Variants in OSBPL3 observed in about 807,000 individuals in gnomAD.
The protein encoded by OSBPL3 is oxysterol binding protein like 3.
A neutral mutation model predicts 120.1 loss-of-function variants in OSBPL3; 65 were observed. That is an observed-to-expected ratio of 0.54 (90% CI 0.44 to 0.67). The LOEUF is 0.67. Ranked by LOEUF, OSBPL3 falls within the 30% of genes least tolerant of loss-of-function variation. OSBPL3 has a pLI of 0.00. For synonymous variants in OSBPL3, 416 were observed against 402.6 expected, an observed-to-expected ratio of 1.03 and a Z score of -0.40; for missense variants, 1,004 against 1,082.1, an observed-to-expected ratio of 0.93 and a Z score of 1.01.
intron 2 of OSBPL3, among the ~76,000 whole-genome samples, chr7:24,887,113 ATAAT>A (rs1343719780): frequency 6.6e-6 from 1 of 152,268 alleles, no homozygotes; most frequent in Non-Finnish European, 1.5e-5. Context: ...AGGAAATGAC[ATAAT>A]TCAAAAGGGC....
rs916542450 is a variant in OSBPL3 at position 24,804,714 on chromosome 7, T to G, written c.2445-277A>C. Among the ~76,000 whole-genome samples the G allele has an allele frequency of 1.3e-5, 2 of 152,146 alleles. No homozygotes were observed. Among genetic ancestry groups the G allele is most frequent in the Non-Finnish European group, 2.9e-5 (2 of 68,014 alleles). On this transcript the variant is annotated intron_variant, in intron 21 of 22. Transcript: ENST00000313367. The surrounding 1 kb of genome is among the most constrained non-coding windows in gnomAD (Gnocchi z 5.4). ...TCTCTAATTCCAGCCACCTTCACCCTCCCACCCTAGAAAACCCACTTTATT... is the reference window on the plus strand; with the variant it reads ...TCTCTAATTCCAGCCACCTTCACCCGCCCACCCTAGAAAACCCACTTTATT...
chr7:24,880,485 C>T (rs1262088307), intron 2 of OSBPL3, among the ~76,000 whole-genome samples: 1 of 152,198 alleles, frequency 6.6e-6, no homozygotes, highest in African/African-American at 2.4e-5. Flanking sequence ...GCCCTCCATA[C>T]ACTTGTGGCT....
In OSBPL3 at chr7:24,800,171, T is replaced by C; in HGVS notation, c.*12A>G. ...GAGAAATACACTAATGTTATCTTTC[T>C]TCTTTACTTTTTCACCATAAGACAG... On this transcript the variant is annotated 3_prime_UTR_variant, in exon 23 of 23. Transcript: ENST00000313367. 1 of 1,481,520 alleles carries C rather than the reference T, an allele frequency of 6.7e-7. No individual in the cohort carries two copies. The highest frequency in any genetic ancestry group is 9.4e-7 in the Non-Finnish European group (1 of 1,059,468). 91.8% of individuals were successfully genotyped at this position (1,481,520 alleles called of 1,614,324 possible).
At chr7:24,838,929 C>T (rs980580384) in intron 14 of OSBPL3, among the ~76,000 whole-genome samples, 1 of 152,196 alleles carries the variant, frequency 6.6e-6, no homozygotes, top group Non-Finnish European at 1.5e-5. Context: ...GGGTTCATCT[C>T]CCAAGAAACA....
At chr7:24,971,973 A>G (rs1817075783) in intron 1 of OSBPL3, among the ~76,000 whole-genome samples, 2 of 152,180 alleles carry the variant, frequency 1.3e-5, no homozygotes, top group African/African-American at 4.8e-5. Context: ...GAAAAACCCA[A>G]GTGGGCTTCC....
In OSBPL3 at chr7:24,912,464, A is replaced by G. The variant is rs1253475145; in HGVS notation, c.-149-19843T>C. Among the ~76,000 whole-genome samples the G allele has an allele frequency of 1.3e-5, 2 of 152,198 alleles. No homozygotes were observed. Among genetic ancestry groups the G allele is most frequent in the Non-Finnish European group, 2.9e-5 (2 of 68,038 alleles). Reference sequence around the variant, plus strand: ...TCCATTGATTTAGGGAGTTTAGCACATTAAGGGCATTCTAATAAACCATTC... The same window carrying G: ...TCCATTGATTTAGGGAGTTTAGCACGTTAAGGGCATTCTAATAAACCATTC... On this transcript the variant is annotated intron_variant, in intron 1 of 22. Coordinates refer to ENST00000313367, the MANE Select transcript of OSBPL3 (RefSeq NM_015550.4). This position sits in a 1 kb window ranked among gnomAD's most constrained non-coding sequence, Gnocchi z 4.5.
At chr7:24,868,364 TGTGTG>T (rs1171768356) in intron 5 of OSBPL3, among the ~76,000 whole-genome samples, 4 of 143,168 alleles carry the variant, frequency 2.8e-5, no homozygotes, top group Non-Finnish European at 4.5e-5. Flanking sequence ...TGTGTGTGTG[TGTGTG>T]TCTGTGTGTG....
In OSBPL3 at chr7:24,916,905, G is replaced by A. The variant is rs1404961987; in HGVS notation, c.-149-24284C>T. On this transcript the variant is annotated intron_variant, in intron 1 of 22. Transcript: ENST00000313367. This position sits in a 1 kb window ranked among gnomAD's most constrained non-coding sequence, Gnocchi z 4.9. ...CAGGTTTACTGGCAGCCACTAAGAC[G>A]TCTTCCATTTCCACCCCCCCCAACC... Among the ~76,000 whole-genome samples, 2 of 132,318 alleles carry A rather than the reference G, an allele frequency of 1.5e-5. No individual in the cohort carries two copies. Among genetic ancestry groups the A allele is most frequent in the African/African-American group, 3.1e-5 (1 of 32,260 alleles). The allele number at this position is 132,318 out of a possible 152,430, so 86.8% of individuals were successfully genotyped here.
rs1796182886 is a variant in OSBPL3, at chr7:24,830,078, T to G, written c.1884+690A>C. Among the ~76,000 whole-genome samples the G allele has an allele frequency of 6.6e-6, 1 of 152,178 alleles. No individual in the cohort carries two copies. Among genetic ancestry groups the G allele is most frequent in the South Asian group, 2.1e-4 (1 of 4,820 alleles). On this transcript the variant is annotated intron_variant, in intron 16 of 22. Transcript: ENST00000313367. The surrounding 1 kb of genome is among the most constrained non-coding windows in gnomAD (Gnocchi z 4.4). ...AACTTGCCTTGGGTTATCATGCTAG[T>G]AAGAGGTAGAACTGAGGTAGGACGG...
rs146408599 is a variant in OSBPL3, at chr7:24,941,786, T to C, written c.-150+38100A>G. Among the ~76,000 whole-genome samples, 773 of 152,344 alleles carry C rather than the reference T, an allele frequency of 5.1e-3. 3 individuals are homozygous for C. The highest frequency in any genetic ancestry group is 8.8e-3 in the Non-Finnish European group (596 of 68,026). On this transcript the variant is annotated intron_variant, in intron 1 of 22. Coordinates refer to ENST00000313367, the MANE Select transcript of OSBPL3 (RefSeq NM_015550.4). ...ATACATCATTGCATGGAATTCTAAA[T>C]GCAAAACTTGTGAACAAATGATGTA...
chr7:24,814,368 C>T (rs1794211679), intron 19 of OSBPL3, among the ~76,000 whole-genome samples: 1 of 151,798 alleles, frequency 6.6e-6, no homozygotes, highest in African/African-American at 2.4e-5. Flanking sequence ...GTGCAGCGCC[C>T]GACAGGCCAC....
intron 12 of OSBPL3, among the ~76,000 whole-genome samples, chr7:24,845,461 A>ATG (rs138960641): frequency 0.11 from 15,661 of 136,910 alleles, 1,090 homozygotes; most frequent in South Asian, 0.29. Flanking sequence ...GTGTGTGTGT[A>ATG]TGTGTGTGTG....
intron 13 of OSBPL3, among the ~76,000 whole-genome samples, chr7:24,841,694 C>CAAGAAA (rs1554358462): frequency 9.1e-4 from 11 of 12,136 alleles, no homozygotes; most frequent in Non-Finnish European, 1.7e-3. Flanking sequence ...GACTATGTCT[C>CAAGAAA]AAAAAAAAAA....
In OSBPL3 at chr7:24,870,765, G is replaced by C; in HGVS notation, c.348C>G (p.Asp116Glu). Residue 116 changes from aspartate (D) to glutamate (E), a missense_variant, in exon 5 of 23, where the codon GAC becomes GAG. Transcript: ENST00000313367. The part of the protein sequence containing the change: ...MSVKKSSKCI[D>E]LDTEEHIYHL... ...GGTAGATGTGCTCCTCGGTGTCAAG[G>C]TCTATGCATTTTGATGACTTCTTTA... The C allele has an allele frequency of 1.2e-6, 2 of 1,612,282 alleles. No individual in the cohort carries two copies. Among genetic ancestry groups the C allele is most frequent in the East Asian group, 4.5e-5 (2 of 44,880 alleles).
Position 24,955,372 on chromosome 7 carries a change from T to C in OSBPL3, c.-150+24514A>G, listed in dbSNP as rs1159469133. Among the ~76,000 whole-genome samples the C allele has an allele frequency of 6.6e-6, 1 of 152,214 alleles. No individual in the cohort carries two copies. The highest frequency in any genetic ancestry group is 1.5e-5 in the Non-Finnish European group (1 of 68,024). On this transcript the variant is annotated intron_variant, in intron 1 of 22. Transcript: ENST00000313367. The surrounding 1 kb of genome is among the most constrained non-coding windows in gnomAD (Gnocchi z 4.3). ...ACAAAAATATACTGAGCACTTACAA[T>C]GCGCTGGGAATTTTTCCAGTGCTGG...
At chr7:24,980,219 G>C (rs1818144603), upstream of OSBPL3, 1 of 222,216 alleles carries the variant, frequency 4.5e-6, no homozygotes. Context: ...AGCCGCGCAA[G>C]GGCGGGAGCG....
rs1800742020 is a variant in OSBPL3, at chr7:24,862,709, T to C, written c.870+491A>G. On this transcript the variant is annotated intron_variant, in intron 9 of 22. Transcript: ENST00000313367. This position sits in a 1 kb window ranked among gnomAD's most constrained non-coding sequence, Gnocchi z 4.4. The stretch of plus-strand genomic sequence containing the variant: ...GCTCCTAGCATGACACAGTGAATCC[T>C]GGATGAGGGATTGGGAGTTTGGAGA... Among the ~76,000 whole-genome samples, 1 of 152,148 alleles carries C rather than the reference T, an allele frequency of 6.6e-6. No individual in the cohort carries two copies. The highest frequency in any genetic ancestry group is 2.4e-5 in the African/African-American group (1 of 41,446).
rs371064285 is a variant in OSBPL3, at chr7:24,881,340, AAAG to A, written c.97-9274_97-9272del. On this transcript the variant is annotated intron_variant, in intron 2 of 22. Coordinates refer to ENST00000313367, the MANE Select transcript of OSBPL3 (RefSeq NM_015550.4). This position sits in a 1 kb window ranked among gnomAD's most constrained non-coding sequence, Gnocchi z 4.3. ...AAGATCTCAGAGAACTTTACAAATC[AAAG>A]AAGGAATGACTTTAGTGCCAAGTAT... 2.5e-3 allele frequency among the ~76,000 whole-genome samples: 377 copies of A among 152,320 alleles called. 2 individuals are homozygous for A. Among genetic ancestry groups the A allele is most frequent in the African/African-American group, 8.3e-3 (343 of 41,568 alleles).
chr7:24,813,003 C>A lies in OSBPL3; in HGVS notation c.2172+2056G>T, dbSNP rs570789564. ...AAGTGCTCCTTCTGCCTCAGCCTCT[C>A]CAGCAGCTGGGACTACAGGTGCATG... On this transcript the variant is annotated intron_variant, in intron 19 of 22. Coordinates refer to ENST00000313367, the MANE Select transcript of OSBPL3 (RefSeq NM_015550.4). This position sits in a 1 kb window ranked among gnomAD's most constrained non-coding sequence, Gnocchi z 4.5. Among the ~76,000 whole-genome samples, 40 of 152,302 alleles carry A rather than the reference C, an allele frequency of 2.6e-4. No individual in the cohort carries two copies. The highest frequency in any genetic ancestry group is 1.4e-3 in the Admixed American group (22 of 15,296).
Sources: gnomAD v4.1 joint callset for allele counts (sites outside exome capture counted in the v4.1 genomes callset) on GRCh38, gnomAD v4.1.1 for gene constraint, Gnocchi (gnomAD v3.1) non-coding constraint, MANE v1.5 for transcripts, NCBI Gene and HGNC (gene_info 2026-07-23, HGNC 2026-07-21) for gene names.